The following VDAC1 variants were observed in gnomAD, a reference collection of about 807,000 sequenced individuals.
VDAC1 encodes the protein non-selective voltage-gated ion channel VDAC1.
Under a neutral mutation model 34.7 loss-of-function variants are expected in VDAC1, and 10 were observed. The observed-to-expected ratio is 0.29, with a 90% CI of 0.18 to 0.49. The LOEUF (loss-of-function observed/expected upper bound fraction) is 0.49. Among genes scored for constraint, VDAC1 ranks in the 20% least tolerant of loss-of-function variants. The pLI is 0.99. For synonymous variants in VDAC1, 130 were observed against 136.0 expected (o/e 0.96, Z 0.30); for missense variants, 230 against 347.9 (o/e 0.66, Z 2.69).
chr5:133,983,625 C>T (rs773471727), intron 5 of VDAC1, among the ~76,000 whole-genome samples: 56 of 152,058 alleles, frequency 3.7e-4, no homozygotes, highest in Non-Finnish European at 4.6e-4. Context: ...AAAATAAAGC[C>T]AGCACCCCTC....
the VDAC1 span, among the ~76,000 whole-genome samples, chr5:134,081,141 G>T: frequency 6.6e-6 from 1 of 151,916 alleles, no homozygotes. Context: ...AGGTTCAAGT[G>T]ATTCTCCTGC....
At chr5:134,071,626 G>A in the VDAC1 span, among the ~76,000 whole-genome samples, 1 of 152,200 alleles carries the variant, frequency 6.6e-6, no homozygotes, top group African/African-American at 2.4e-5. The surrounding 1 kb of genome is among the most constrained non-coding windows in gnomAD (Gnocchi z 4.1). Flanking sequence ...CTTGACTTTC[G>A]TTTTTTGGGT....
chr5:134,034,989 T>A, the VDAC1 span, among the ~76,000 whole-genome samples: 3 of 152,040 alleles, frequency 2.0e-5, no homozygotes, highest in Non-Finnish European at 4.4e-5. Context: ...CATGTATATG[T>A]CTGTCTGAAC....
chr5:134,038,312 C>G, the VDAC1 span, among the ~76,000 whole-genome samples: 2 of 151,700 alleles, frequency 1.3e-5, no homozygotes, highest in Non-Finnish European at 2.9e-5. Context: ...GTGCCCCAGG[C>G]AAAGCAAACA....
chr5:134,053,733 C>T, the VDAC1 span, among the ~76,000 whole-genome samples: 15 of 152,360 alleles, frequency 9.8e-5, no homozygotes, highest in South Asian at 2.9e-3. Context: ...GTCAGGGCAG[C>T]CCACCCATAC....
chr5:134,045,258 G>A, the VDAC1 span, among the ~76,000 whole-genome samples: 1 of 152,208 alleles, frequency 6.6e-6, no homozygotes, highest in South Asian at 2.1e-4. Flanking sequence ...TGGCCCATCT[G>A]GCCAGCCACG....
At chr5:134,059,430 G>A in the VDAC1 span, among the ~76,000 whole-genome samples, 57 of 152,234 alleles carry the variant, frequency 3.7e-4, no homozygotes, top group African/African-American at 1.3e-3. Flanking sequence ...CTATGGGAGA[G>A]CCTCCCACGT....
chr5:134,000,802 G>C (rs1753520788), intron 1 of VDAC1, among the ~76,000 whole-genome samples: 1 of 152,138 alleles, frequency 6.6e-6, no homozygotes, highest in African/African-American at 2.4e-5. Flanking sequence ...AATACACACA[G>C]TATTTTATCA....
intron 6 of VDAC1, among the ~76,000 whole-genome samples, chr5:133,980,336 G>A (rs1752641754): frequency 1.3e-5 from 2 of 152,302 alleles, no homozygotes; most frequent in South Asian, 4.1e-4. Context: ...TGTCTACCAT[G>A]TCTACATGTC....
chr5:134,064,391 C>T, the VDAC1 span, among the ~76,000 whole-genome samples: 1 of 151,854 alleles, frequency 6.6e-6, no homozygotes, highest in Admixed American at 6.6e-5. Context: ...CTGCAACCTC[C>T]GCCTCCTGGT....
the VDAC1 span, among the ~76,000 whole-genome samples, chr5:134,015,806 A>G: frequency 3.9e-5 from 6 of 151,918 alleles, no homozygotes; most frequent in African/African-American, 9.7e-5. Context: ...CACCACACCC[A>G]GCTAATTTTT....
At chr5:134,006,745 C>CA (rs1474104204), upstream of VDAC1, among the ~76,000 whole-genome samples, 1 of 114,108 alleles carries the variant, frequency 8.8e-6, no homozygotes, top group African/African-American at 3.4e-5. Flanking sequence ...TGTCCCCCCC[C>CA]CCCAAAAAAA....
the VDAC1 span, among the ~76,000 whole-genome samples, chr5:134,081,586 A>C: frequency 6.6e-6 from 1 of 152,232 alleles, no homozygotes; most frequent in Non-Finnish European, 1.5e-5. Context: ...AAAACTCATC[A>C]ATTTTTCTTT....
chr5:134,081,690 T>TC, the VDAC1 span, among the ~76,000 whole-genome samples: 1,946 of 152,212 alleles, frequency 0.013, 55 homozygotes, highest in African/African-American at 0.044. Flanking sequence ...TCTTAGAACC[T>TC]CCCACTCAGC....
the VDAC1 span, among the ~76,000 whole-genome samples, chr5:134,102,561 G>A: frequency 2.6e-5 from 4 of 151,950 alleles, no homozygotes; most frequent in East Asian, 1.9e-4. Context: ...CCAGCTACTC[G>A]GGAGGCTGAG....
the VDAC1 span, among the ~76,000 whole-genome samples, chr5:134,078,177 G>A: frequency 7.7e-4 from 118 of 152,322 alleles, no homozygotes; most frequent in Non-Finnish European, 1.3e-3. Context: ...CTGGCCTGCA[G>A]ACACAGAGCC....
the VDAC1 span, among the ~76,000 whole-genome samples, chr5:134,039,756 G>A: frequency 2.6e-5 from 4 of 152,306 alleles, no homozygotes; most frequent in African/African-American, 9.6e-5. Context: ...AAGCGAGATG[G>A]GCCATCTCCC....
chr5:134,030,549 A>G, the VDAC1 span, among the ~76,000 whole-genome samples: 1 of 151,710 alleles, frequency 6.6e-6, no homozygotes, highest in Non-Finnish European at 1.5e-5. Flanking sequence ...TCAGACCAGC[A>G]GGTTTCAGTA....
At chr5:134,041,880 G>A in the VDAC1 span, among the ~76,000 whole-genome samples, 1 of 152,120 alleles carries the variant, frequency 6.6e-6, no homozygotes, top group African/African-American at 2.4e-5. Flanking sequence ...ACACTCCCTG[G>A]CTGGCCTGGC....
Sources: allele counts gnomAD v4.1 joint callset (sites outside exome capture counted in the v4.1 genomes callset), GRCh38; gene constraint gnomAD v4.1.1; non-coding constraint Gnocchi (gnomAD v3.1); transcripts MANE v1.5; gene names NCBI Gene and HGNC (gene_info 2026-07-23, HGNC 2026-07-21).